SRP54: variants seen among roughly 807,000 people sequenced by gnomAD.
The protein encoded by SRP54 is signal recognition particle 54.
In SRP54, 10 loss-of-function variants were observed where a neutral mutation model predicts 64.8. The ratio of observed to expected loss-of-function variants is 0.15; its 90% CI spans 0.10 to 0.26. The LOEUF is 0.26. Ranked by LOEUF, SRP54 falls within the 10% of genes least tolerant of loss-of-function variation. The pLI is 1.00. For missense variants in SRP54, 325 were observed against 613.7 expected, an observed-to-expected ratio of 0.53 and a Z score of 4.97; for synonymous variants, 193 against 185.6, an observed-to-expected ratio of 1.04 and a Z score of -0.32.
intron 4 of SRP54, among the ~76,000 whole-genome samples, chr14:35,002,464 C>T (rs1396226043): frequency 6.6e-6 from 1 of 151,152 alleles, no homozygotes; most frequent in African/African-American, 2.4e-5. Context: ...TTTGACTCTC[C>T]CTCTGTCACT....
chr14:35,008,002 AGT>A (rs1197987398), intron 5 of SRP54, among the ~76,000 whole-genome samples: 1 of 151,784 alleles, frequency 6.6e-6, no homozygotes, highest in Non-Finnish European at 1.5e-5. Flanking sequence ...TCAGGAAGTG[AGT>A]GTGTGATTTT....
At chr14:34,995,177 GTGTGTGTGTGT>G (rs1312954475) in intron 1 of SRP54, among the ~76,000 whole-genome samples, 66 of 122,100 alleles carry the variant, frequency 5.4e-4, no homozygotes, top group African/African-American at 1.6e-3. Flanking sequence ...GTGTGTGTGT[GTGTGTGTGTGT>G]AGAGAGAGAG....
chr14:35,021,999 C>T (rs1465958344), intron 13 of SRP54, among the ~76,000 whole-genome samples: 1 of 152,172 alleles, frequency 6.6e-6, no homozygotes. Flanking sequence ...TCACTATATG[C>T]TACTGAGAGA....
intron 9 of SRP54, 93 bp from the exon 10 acceptor site, chr14:35,013,709 T>A: frequency 8.3e-7 from 1 of 1,202,200 alleles, no homozygotes; most frequent in Non-Finnish European, 1.2e-6. Context: ...TTTGTCTAAT[T>A]AGCTTTGGAG....
At chr14:34,988,599 T>TATATATATAAC (rs1555352784) in intron 1 of SRP54, among the ~76,000 whole-genome samples, 4 of 103,532 alleles carry the variant, frequency 3.9e-5, no homozygotes, top group Non-Finnish European at 6.6e-5. Context: ...ATATATAACA[T>TATATATATAAC]ATATATATAT....
At chr14:34,983,642 T>C (rs2043844478) in intron 1 of SRP54, among the ~76,000 whole-genome samples, 1 of 152,244 alleles carries the variant, frequency 6.6e-6, no homozygotes, top group Non-Finnish European at 1.5e-5. Context: ...AATGATGATT[T>C]AAGATAGACT....
chr14:35,026,399 T>C (rs1240136620), intron 14 of SRP54, among the ~76,000 whole-genome samples: 1 of 151,830 alleles, frequency 6.6e-6, no homozygotes, highest in Non-Finnish European at 1.5e-5. Context: ...AGCTAATGCT[T>C]TTTTTTGTTT....
chr14:35,005,764 T>C lies in SRP54; in HGVS notation c.256-1519T>C, dbSNP rs936013389. On this transcript the variant is annotated intron_variant, in intron 4 of 15. Transcript: ENST00000216774. Reference sequence around the variant, plus strand: ...GATCTAGGACATTAACTATTATAGATTTATTATTTTATCATACATTTCAAG... The same window carrying C: ...GATCTAGGACATTAACTATTATAGACTTATTATTTTATCATACATTTCAAG... Among the ~76,000 whole-genome samples the C allele has an allele frequency of 2.0e-5, 3 of 152,154 alleles. No homozygotes were observed. In the East Asian group the frequency reaches 5.8e-4, roughly 29 times the overall value.
chr14:35,011,500 G>A lies in SRP54; in HGVS notation c.486-9G>A. The A allele has an allele frequency of 8.3e-6, 12 of 1,446,292 alleles. No homozygotes were observed. Among genetic ancestry groups the A allele is most frequent in the Non-Finnish European group, 1.1e-5 (12 of 1,085,130 alleles). The allele number at this position is 1,446,292 out of a possible 1,614,324, so 89.6% of individuals were successfully genotyped here. On this transcript the variant is annotated splice_polypyrimidine_tract_variant and intron_variant, in intron 7 of 15. Coordinates refer to ENST00000216774, the MANE Select transcript of SRP54 (RefSeq NM_003136.4). ...TCGTTTTGTTAAATCATTTGTCCAT[G>A]TTATATAGCTATACAGAAATGGATC...
chr14:35,008,927 C>T, intron 7 of SRP54, 96 bp downstream of exon 7: 3 of 1,006,248 alleles, frequency 3.0e-6, no homozygotes, highest in Non-Finnish European at 4.3e-6. Flanking sequence ...CCCTCTGTCA[C>T]CCAGGCTGGG....
At chr14:34,987,284 TATAC>T (rs148706743) in intron 1 of SRP54, among the ~76,000 whole-genome samples, 21,324 of 127,052 alleles carry the variant, frequency 0.17, 1,829 homozygotes, top group East Asian at 0.35. Flanking sequence ...TGTATATATA[TATAC>T]ACACACACAC....
At chr14:34,996,891 C>T in intron 2 of SRP54, 104 bp downstream of exon 2, 1 of 824,054 alleles carries the variant, frequency 1.2e-6, no homozygotes, top group Non-Finnish European at 2.0e-6. Context: ...TTGATGTAGA[C>T]TTAATACTTG....
intron 10 of SRP54, among the ~76,000 whole-genome samples, chr14:35,014,459 TA>T (rs2044406979): frequency 6.6e-6 from 1 of 151,936 alleles, no homozygotes; most frequent in Non-Finnish European, 1.5e-5. Context: ...TTTTTATTTT[TA>T]GTAGAGACGG....
At chr14:34,986,793 C>G (rs1417553113) in intron 1 of SRP54, among the ~76,000 whole-genome samples, 1 of 151,682 alleles carries the variant, frequency 6.6e-6, no homozygotes, top group Admixed American at 6.6e-5. Context: ...GCAGGAGAAT[C>G]GCTTGAACTC....
At chr14:35,016,845 C>CTTTTTTTTTTTTTT (rs869140791) in intron 11 of SRP54, among the ~76,000 whole-genome samples, 4 of 67,776 alleles carry the variant, frequency 5.9e-5, no homozygotes, top group East Asian at 4.5e-4. Context: ...TTTTTCTTTT[C>CTTTTTTTTTTTTTT]TTTTTTTTTT....
chr14:35,005,929 A>C (rs1198889949), intron 4 of SRP54, among the ~76,000 whole-genome samples: 1 of 151,614 alleles, frequency 6.6e-6, no homozygotes. Flanking sequence ...AAGCTCCGCC[A>C]CCCGGGTTCA....
At chr14:34,983,987 T>C (rs1208701047) in intron 1 of SRP54, among the ~76,000 whole-genome samples, 1 of 152,166 alleles carries the variant, frequency 6.6e-6, no homozygotes, top group Non-Finnish European at 1.5e-5. Context: ...AATTTCCTCA[T>C]CTACTTAATA....
intron 1 of SRP54, among the ~76,000 whole-genome samples, chr14:34,991,681 A>G (rs2043982211): frequency 6.7e-6 from 1 of 149,746 alleles, no homozygotes; most frequent in East Asian, 2.0e-4. Context: ...GTGTAGCAGC[A>G]ATAGCAAGGA....
chr14:35,022,818 A>T, intron 13 of SRP54, 92 bp from the exon 14 acceptor site: 1 of 1,009,330 alleles, frequency 9.9e-7, no homozygotes, highest in Non-Finnish European at 1.4e-6. Context: ...AACATCTGCT[A>T]AGCTCTTTGA....
Sources: gnomAD v4.1 joint callset for allele counts (sites outside exome capture counted in the v4.1 genomes callset) on GRCh38, gnomAD v4.1.1 for gene constraint, MANE v1.5 for transcripts, NCBI Gene and HGNC (gene_info 2026-07-23, HGNC 2026-07-21) for gene names.